The following GPC5 variants were observed in gnomAD, a reference collection of about 807,000 sequenced individuals.
GPC5 encodes glypican-5.
In GPC5, 47 loss-of-function variants were observed where a neutral mutation model predicts 53.9. The ratio of observed to expected loss-of-function variants is 0.87; its 90% confidence interval spans 0.69 to 1.11. GPC5 has a LOEUF of 1.11. GPC5 is among the 50% of genes most tolerant of loss of function. The probability of loss-of-function intolerance (pLI) is 0.00; values close to 1 mark genes in which losing one functional copy is unlikely to be tolerated. For missense variants in GPC5, 748 were observed against 713.1 expected (o/e 1.05, Z -0.56); for synonymous variants, 286 against 263.3 (o/e 1.09, Z -0.84).
At chr13:91,653,657 A>G (rs73609987) in intron 2 of GPC5, among the ~76,000 whole-genome samples, 9,863 of 151,470 alleles carry the variant, frequency 0.065, 1,083 homozygotes, top group African/African-American at 0.22. Context: ...TGTTGAGAAC[A>G]CTTTTCTTCT....
At chr13:91,501,464 C>T (rs763316854) in intron 2 of GPC5, among the ~76,000 whole-genome samples, 6 of 151,998 alleles carry the variant, frequency 3.9e-5, no homozygotes, top group African/African-American at 1.4e-4. Flanking sequence ...TCTCATTGTT[C>T]AATTCCCACC....
intron 7 of GPC5, among the ~76,000 whole-genome samples, chr13:92,401,231 C>T (rs1165643200): frequency 1.3e-5 from 2 of 149,320 alleles, no homozygotes; most frequent in Non-Finnish European, 3.0e-5. Context: ...TCTTGGTCTT[C>T]TCCATAATAC....
intron 7 of GPC5, among the ~76,000 whole-genome samples, chr13:92,164,851 A>G (rs956856320): frequency 2.0e-5 from 3 of 152,212 alleles, no homozygotes; most frequent in Non-Finnish European, 1.5e-5. Context: ...TGAAATCTAG[A>G]CAGAGGTTCC....
At chr13:92,134,101 G>A (rs1203175372) in intron 6 of GPC5, among the ~76,000 whole-genome samples, 1 of 152,102 alleles carries the variant, frequency 6.6e-6, no homozygotes, top group Non-Finnish European at 1.5e-5. Flanking sequence ...TGATTCAACA[G>A]GCAATGTAGA....
intron 2 of GPC5, among the ~76,000 whole-genome samples, chr13:91,512,143 G>T (rs1885261248): frequency 6.6e-6 from 1 of 152,152 alleles, no homozygotes; most frequent in African/African-American, 2.4e-5. Context: ...TTGTGATCAA[G>T]ATTCCATCAT....
chr13:92,727,839 C>T (rs1888686378), intron 7 of GPC5, among the ~76,000 whole-genome samples: 1 of 151,296 alleles, frequency 6.6e-6, no homozygotes, highest in African/African-American at 2.4e-5. Context: ...TCTGTCATTA[C>T]TCGATCATAT....
chr13:91,986,281 G>T (rs1235976975), intron 6 of GPC5, among the ~76,000 whole-genome samples: 1 of 151,742 alleles, frequency 6.6e-6, no homozygotes, highest in Non-Finnish European at 1.5e-5. Flanking sequence ...TAGCCAGCAT[G>T]GTCTCAGTCT....
intron 7 of GPC5, among the ~76,000 whole-genome samples, chr13:92,323,902 T>A (rs1221123744): frequency 6.6e-6 from 1 of 151,966 alleles, no homozygotes; most frequent in African/African-American, 2.4e-5. Flanking sequence ...CAATGACTCA[T>A]ATCAAAAAAA....
intron 1 of GPC5, among the ~76,000 whole-genome samples, chr13:91,427,512 G>T (rs1879144008): frequency 6.6e-6 from 1 of 152,268 alleles, no homozygotes; most frequent in East Asian, 1.9e-4. Context: ...TCTCCCATTT[G>T]GAATGAGAAC....
At chr13:91,462,348 A>G (rs2083734176) in intron 2 of GPC5, among the ~76,000 whole-genome samples, 1 of 152,152 alleles carries the variant, frequency 6.6e-6, no homozygotes, top group South Asian at 2.1e-4. Context: ...ATTAGATAGT[A>G]TCATTAACTT....
intron 7 of GPC5, among the ~76,000 whole-genome samples, chr13:92,703,807 AAT>A (rs911112701): frequency 8.6e-5 from 13 of 151,930 alleles, no homozygotes; most frequent in African/African-American, 3.1e-4. Context: ...AGTAAGTTTA[AAT>A]ATAGTCCTGG....
rs543945395 is a variant in GPC5, at chr13:91,963,870, G to A, written c.1401+55813G>A. 9.2e-5 allele frequency among the ~76,000 whole-genome samples: 14 copies of A among 152,266 alleles called. 2 individuals carry two copies. The South Asian group carries it at 2.3e-3, about 25-fold the overall frequency. ...GCATCAATCATAGAACACTTTCTTCGTACAAGATGTGATGATAAACAAGTT... is the reference window on the plus strand; with the variant it reads ...GCATCAATCATAGAACACTTTCTTCATACAAGATGTGATGATAAACAAGTT... On this transcript the variant is annotated intron_variant, in intron 6 of 7. Transcript: ENST00000377067.
At chr13:91,474,124 ATAAAT>A (rs1882791022) in intron 2 of GPC5, among the ~76,000 whole-genome samples, 2 of 152,196 alleles carry the variant, frequency 1.3e-5, no homozygotes, top group South Asian at 4.1e-4. Context: ...TTCAGTAAAA[ATAAAT>A]TAGATTATTC....
At chr13:91,510,016 A>G (rs1885152923) in intron 2 of GPC5, among the ~76,000 whole-genome samples, 2 of 152,162 alleles carry the variant, frequency 1.3e-5, no homozygotes, top group African/African-American at 4.8e-5. Context: ...TTTACCTCAT[A>G]TATTTTCCTC....
At chr13:92,354,569 C>T (rs536162336) in intron 7 of GPC5, among the ~76,000 whole-genome samples, 4 of 152,196 alleles carry the variant, frequency 2.6e-5, no homozygotes, top group South Asian at 4.1e-4. Flanking sequence ...TTGATGCTGG[C>T]GATTCTTTCT....
At chr13:91,464,583 T>G (rs1882121735) in intron 2 of GPC5, among the ~76,000 whole-genome samples, 1 of 152,132 alleles carries the variant, frequency 6.6e-6, no homozygotes, top group South Asian at 2.1e-4. Flanking sequence ...TGGATGGACT[T>G]TAATGGAATT....
At chr13:92,691,488 C>T (rs1044709956) in intron 7 of GPC5, among the ~76,000 whole-genome samples, 1 of 150,360 alleles carries the variant, frequency 6.7e-6, no homozygotes, top group Non-Finnish European at 1.5e-5. Flanking sequence ...TGAGATGAAC[C>T]CGGTACCTCA....
chr13:92,205,831 G>C lies in GPC5; in HGVS notation c.1561+60842G>C, dbSNP rs1001599517. ...GGAGGCCCAGGCGGGTGGATCACCTGAGATCAGGAGTTCAAGACCAGCCCG... is the reference window on the plus strand; with the variant it reads ...GGAGGCCCAGGCGGGTGGATCACCTCAGATCAGGAGTTCAAGACCAGCCCG... On this transcript the variant is annotated intron_variant, in intron 7 of 7. Transcript: ENST00000377067. 1.4e-4 allele frequency among the ~76,000 whole-genome samples: 22 copies of C among 152,082 alleles called. 1 individual carries two copies. The highest frequency in any genetic ancestry group is 6.5e-4 in the Admixed American group (10 of 15,276).
chr13:92,296,656 G>T (rs2139191205), intron 7 of GPC5, among the ~76,000 whole-genome samples: 1 of 152,280 alleles, frequency 6.6e-6, no homozygotes, highest in Non-Finnish European at 1.5e-5. Flanking sequence ...CTTGCAGGGA[G>T]GTATGGAGGG....
Sources: gnomAD v4.1 joint callset for allele counts (sites outside exome capture counted in the v4.1 genomes callset) on GRCh38, gnomAD v4.1.1 for gene constraint, MANE v1.5 for transcripts, NCBI Gene and HGNC (gene_info 2026-07-23, HGNC 2026-07-21) for gene names.